The following FRMPD4 variants were observed in gnomAD, a reference collection of about 807,000 sequenced individuals.
FRMPD4 encodes FERM and PDZ domain containing 4, also known as FERM and PDZ domain-containing protein 4.
A neutral mutation model predicts 94.1 loss-of-function variants in FRMPD4; 22 were observed. That is an observed-to-expected ratio of 0.23 (90% CI 0.17 to 0.33). The LOEUF (loss-of-function observed/expected upper bound fraction) is 0.33, where lower values mean the gene tolerates loss of function less well. FRMPD4 is among the 10% of genes least tolerant of loss of function. The pLI is 1.00. For synonymous variants in FRMPD4, 631 were observed against 548.6 expected (o/e 1.15, Z -2.10); for missense variants, 1,111 against 1,339.9 (o/e 0.83, Z 2.67).
At chrX:12,236,472 T>G (rs1051702359) in intron 1 of FRMPD4, among the ~76,000 whole-genome samples, 1 of 111,911 alleles carries the variant, frequency 8.9e-6, no homozygotes, top group Non-Finnish European at 1.9e-5. Context: ...CTATTTATCT[T>G]TGAATCATTA....
chrX:12,065,291 G>A (rs907804843), intron 3 of FRMPD4, among the ~76,000 whole-genome samples: 4 of 112,275 alleles, frequency 3.6e-5, no homozygotes, highest in Non-Finnish European at 5.6e-5. Flanking sequence ...GAGCCACTGC[G>A]AGAAGCAGGT....
In FRMPD4 at chrX:12,076,980, T is replaced by C. The variant is rs143157570; in HGVS notation, c.95+198962T>C. Among the ~76,000 whole-genome samples the C allele has an allele frequency of 3.1e-3, 346 of 112,102 alleles. 1 individual carries two copies. The highest frequency in any genetic ancestry group is 4.6e-3 in the Non-Finnish European group (247 of 53,227). On this transcript the variant is annotated intron_variant, in intron 3 of 18. Transcript: ENST00000640291. Reference sequence around the variant, plus strand: ...ACTATCCCTGCCTCCAGTTCTTTCATAGTGGCACAGCGTTGCATTTTTCTT... The same window carrying C: ...ACTATCCCTGCCTCCAGTTCTTTCACAGTGGCACAGCGTTGCATTTTTCTT...
chrX:12,666,086 C>A (rs1362587080), intron 4 of FRMPD4, among the ~76,000 whole-genome samples: 2 of 82,961 alleles, frequency 2.4e-5, no homozygotes, highest in African/African-American at 4.6e-5. Flanking sequence ...GAATATTTAC[C>A]AAGCAAATGG....
intron 1 of FRMPD4, among the ~76,000 whole-genome samples, chrX:12,168,043 A>G (rs1569177659): frequency 9.0e-6 from 1 of 110,702 alleles, no homozygotes; most frequent in South Asian, 3.9e-4. Context: ...TCTAGTGGCT[A>G]GAGGTTAGGG....
chrX:12,382,520 GCATAGCATAGAGCAT>G (rs2056335451), intron 1 of FRMPD4, among the ~76,000 whole-genome samples: 1 of 60,612 alleles, frequency 1.6e-5, no homozygotes, highest in African/African-American at 7.0e-5. Flanking sequence ...GCATAGCATA[GCATAGCATAGAGCAT>G]AGCATAGCAT....
intron 1 of FRMPD4, among the ~76,000 whole-genome samples, chrX:12,212,022 G>A (rs769327037): frequency 9.0e-6 from 1 of 111,326 alleles, no homozygotes; most frequent in Non-Finnish European, 1.9e-5. Context: ...TCCGGGTGTT[G>A]AGATGTTTAT....
chrX:12,240,353 G>C (rs956840115), intron 1 of FRMPD4, among the ~76,000 whole-genome samples: 1 of 112,223 alleles, frequency 8.9e-6, no homozygotes, highest in Non-Finnish European at 1.9e-5. Context: ...CAGTTGGCTG[G>C]AACTCAAGCA....
intron 2 of FRMPD4, among the ~76,000 whole-genome samples, chrX:12,599,816 A>T (rs1478051703): frequency 9.0e-6 from 1 of 111,616 alleles, no homozygotes; most frequent in African/African-American, 3.3e-5. Flanking sequence ...TGTCACTAAA[A>T]AAAGTTTTGA....
At chrX:12,378,187 C>T (rs951151089) in intron 1 of FRMPD4, among the ~76,000 whole-genome samples, 1 of 111,682 alleles carries the variant, frequency 9.0e-6, no homozygotes, top group Non-Finnish European at 1.9e-5. Context: ...TTCAAGCCTG[C>T]CGGGGATAAT....
At chrX:12,580,184 A>AGGCATGTCACAGTTGGC (rs1302416749) in intron 2 of FRMPD4, among the ~76,000 whole-genome samples, 2 of 112,392 alleles carry the variant, frequency 1.8e-5, no homozygotes, top group Non-Finnish European at 3.8e-5. Flanking sequence ...TTTTAGTCTA[A>AGGCATGTCACAGTTGGC]GGCATGTCAC....
intron 1 of FRMPD4, among the ~76,000 whole-genome samples, chrX:12,365,703 G>T (rs1288479225): frequency 9.0e-6 from 1 of 111,730 alleles, no homozygotes. Flanking sequence ...TTCCATTAGG[G>T]CCATTCCAGG....
intron 1 of FRMPD4, among the ~76,000 whole-genome samples, chrX:12,340,253 G>C (rs6639173): frequency 1.8e-5 from 2 of 111,915 alleles, no homozygotes; most frequent in East Asian, 5.5e-4. Context: ...TGAAAACAAC[G>C]TTTCAATACT....
chrX:12,049,616 T>G (rs1224551046), intron 3 of FRMPD4, among the ~76,000 whole-genome samples: 1 of 111,650 alleles, frequency 9.0e-6, no homozygotes, highest in Non-Finnish European at 1.9e-5. Context: ...TACTATACTA[T>G]TTACTATTAT....
At chrX:11,963,341 A>G (rs1250596312) in intron 3 of FRMPD4, among the ~76,000 whole-genome samples, 1 of 112,076 alleles carries the variant, frequency 8.9e-6, no homozygotes, top group Non-Finnish European at 1.9e-5. Flanking sequence ...TTTTGGACAT[A>G]AAACATTTTT....
intron 1 of FRMPD4, among the ~76,000 whole-genome samples, chrX:12,273,426 C>T (rs987207488): frequency 1.8e-5 from 2 of 112,386 alleles, no homozygotes; most frequent in Non-Finnish European, 3.8e-5. Flanking sequence ...AAATCAGACA[C>T]ATTCAAAGAC....
At chrX:12,540,286 C>T (rs2058392391) in intron 2 of FRMPD4, among the ~76,000 whole-genome samples, 1 of 111,733 alleles carries the variant, frequency 8.9e-6, no homozygotes, top group Non-Finnish European at 1.9e-5. Context: ...TTAAAAGACA[C>T]AGACTGGCAA....
chrX:12,032,510 A>C (rs1365937668), intron 3 of FRMPD4, among the ~76,000 whole-genome samples: 1 of 112,321 alleles, frequency 8.9e-6, no homozygotes, highest in Non-Finnish European at 1.9e-5. Flanking sequence ...AAAGGAGAGG[A>C]GATCAATAGG....
chrX:12,630,338 TAAAC>T (rs1400919706), intron 4 of FRMPD4, among the ~76,000 whole-genome samples: 3 of 112,538 alleles, frequency 2.7e-5, no homozygotes, highest in African/African-American at 6.5e-5. Flanking sequence ...TATTAATACA[TAAAC>T]AAATTATTAT....
chrX:12,056,525 G>A (rs549033452), intron 3 of FRMPD4, among the ~76,000 whole-genome samples: 4 of 111,390 alleles, frequency 3.6e-5, no homozygotes, highest in African/African-American at 9.8e-5. Flanking sequence ...TCTATGACCC[G>A]CCTTGGGGAA....
Sources: allele counts gnomAD v4.1 joint callset (sites outside exome capture counted in the v4.1 genomes callset), GRCh38; gene constraint gnomAD v4.1.1; transcripts MANE v1.5; gene names NCBI Gene and HGNC (gene_info 2026-07-23, HGNC 2026-07-21).